MYADML2: variants seen among roughly 807,000 people sequenced by gnomAD.
MYADML2 encodes the protein myeloid associated differentiation marker like 2.
A neutral mutation model predicts 16.0 loss-of-function variants in MYADML2; 17 were observed. That is an observed-to-expected ratio of 1.06 (90% confidence interval 0.73 to 1.60). The LOEUF (loss-of-function observed/expected upper bound fraction) is 1.60, where lower values mean the gene tolerates loss of function less well. Ranked by LOEUF, MYADML2 falls within the 40% of genes most tolerant of loss-of-function variation. The pLI is 0.00. For missense variants in MYADML2, 422 were observed against 437.7 expected, an observed-to-expected ratio of 0.96 and a Z score of 0.32; for synonymous variants, 210 against 208.1, an observed-to-expected ratio of 1.01 and a Z score of -0.08.
chr17:81,942,641 C>T lies in MYADML2; in HGVS notation c.-180-268G>A, dbSNP rs2041315351. 6.6e-6 allele frequency among the ~76,000 whole-genome samples: 1 copy of T among 152,180 alleles called. No individual in the cohort carries two copies. The highest frequency in any genetic ancestry group is 1.5e-5 in the Non-Finnish European group (1 of 68,042). ...GGAGTGCAATGGCGCGATCTCGGCT[C>T]CCAGGTTCAAGCAATTATCCTGCCT... On this transcript the variant is annotated intron_variant, in intron 1 of 2. Coordinates refer to ENST00000409745, the MANE Select transcript of MYADML2 (RefSeq NM_001145113.3). This position sits in a 1 kb window ranked among gnomAD's most constrained non-coding sequence, Gnocchi z 4.4.
rs1395456769 is a variant in MYADML2, at chr17:81,942,872, G to T, written c.-180-499C>A. Among the ~76,000 whole-genome samples, 2 of 151,514 alleles carry T rather than the reference G, an allele frequency of 1.3e-5. No homozygotes were observed. The highest frequency in any genetic ancestry group is 4.2e-4 in the South Asian group (2 of 4,798). ...GGCCCCTCTTTTTTTTCGAGATAGG[G>T]TCTAGCTTTGTCGCTCAGGTTGGAA... On this transcript the variant is annotated intron_variant, in intron 1 of 2. Coordinates refer to ENST00000409745, the MANE Select transcript of MYADML2 (RefSeq NM_001145113.3). This position sits in a 1 kb window ranked among gnomAD's most constrained non-coding sequence, Gnocchi z 4.4.
At position 81,940,688 on chromosome 17, in the gene MYADML2, G is replaced by T; in HGVS notation, c.*130C>A. 9.8e-7 allele frequency: 1 copy of T among 1,018,930 alleles called. No homozygotes were observed. Among genetic ancestry groups the T allele is most frequent in the Non-Finnish European group, 1.4e-6 (1 of 714,634 alleles). 63.1% of individuals were successfully genotyped at this position (1,018,930 alleles called of 1,614,324 possible). Reference sequence around the variant, plus strand: ...AAGTCGGGGAGTGACCTCTCCCGTTGTACTTCATCTCCCCTGAGCCCGCGG... The same window carrying T: ...AAGTCGGGGAGTGACCTCTCCCGTTTTACTTCATCTCCCCTGAGCCCGCGG... On this transcript the variant is annotated 3_prime_UTR_variant, in exon 3 of 3. Transcript: ENST00000409745.
Position 81,941,001 on chromosome 17 carries a change from C to G in MYADML2, c.741G>C (p.Val247=). 6.4e-7 allele frequency: 1 copy of G among 1,550,586 alleles called. No individual in the cohort carries two copies. The highest frequency in any genetic ancestry group is 1.2e-5 in the South Asian group (1 of 84,064). ...LAVLLYLSAA[V]IWPVFCFDPK... ...GATCGAAACAGAAGACTGGCCAGAT[C>G]ACGGCGGCGCTGAGGTACAGGAGCA... Residue 247 remains valine, a synonymous_variant, in exon 3 of 3, where the codon GTG becomes GTC. Transcript: ENST00000409745.
chr17:81,945,518 A>G (rs1027573175), intron 1 of MYADML2, among the ~76,000 whole-genome samples: 34 of 151,740 alleles, frequency 2.2e-4, no homozygotes, highest in Admixed American at 1.3e-3. Flanking sequence ...CAGCCTGGGC[A>G]ACAGAGCAAG....
In MYADML2 at chr17:81,940,634, C is replaced by T; in HGVS notation, c.*184G>A. 6.1e-6 allele frequency: 4 copies of T among 659,298 alleles called. No individual in the cohort carries two copies. Among genetic ancestry groups the T allele is most frequent in the Non-Finnish European group, 1.0e-5 (4 of 394,468 alleles). The allele number at this position is 659,298 out of a possible 1,614,324, so 40.8% of individuals were successfully genotyped here. ...TGCTCAGGGCCTCTGCCCTACTGTC[C>T]TGCCCTTGTCCCTCTGAGCCCAGTC... On this transcript the variant is annotated 3_prime_UTR_variant, in exon 3 of 3. Coordinates refer to ENST00000409745, the MANE Select transcript of MYADML2 (RefSeq NM_001145113.3).
chr17:81,941,619 G>A lies in MYADML2; in HGVS notation c.123C>T (p.Ala41=), dbSNP rs4796854. ...GGACGCCCGCAAAGCCACCCCGGTGGGCCACCAGGCTGAAGGTAGTGCAGC... is the reference window on the plus strand; with the variant it reads ...GGACGCCCGCAAAGCCACCCCGGTGAGCCACCAGGCTGAAGGTAGTGCAGC... ...AFGCTTFSLV[A]HRGGFAGVQG... is the part of the protein sequence containing the mutation. The change falls in exon 3 of 3, where the codon GCC becomes GCT. Residue 41 remains alanine, a synonymous_variant. Coordinates refer to ENST00000409745, the MANE Select transcript of MYADML2 (RefSeq NM_001145113.3). 886,596 of 1,548,746 alleles carry A rather than the reference G, an allele frequency of 0.57. 258,709 individuals are homozygous for A. Among genetic ancestry groups the A allele is most frequent in the Non-Finnish European group, 0.6 (691,386 of 1,146,754 alleles).
At position 81,940,889 on chromosome 17, in the gene MYADML2, A is replaced by G; in HGVS notation, c.853T>C (p.Tyr285His). The G allele has an allele frequency of 1.3e-6, 2 of 1,546,958 alleles. No homozygotes were observed. The highest frequency in any genetic ancestry group is 2.7e-5 in the African/African-American group (2 of 73,076). Residue 285 changes from tyrosine to histidine, a missense_variant, in exon 3 of 3, where the codon TAC becomes CAC. By Grantham distance (83) the Tyr-to-His change is moderately conservative. Transcript: ENST00000409745. ...DSQLVVAIFTYVNLLLYVVDL... is the reference protein window; with the variant it reads ...DSQLVVAIFTHVNLLLYVVDL... ...ACGACGTACAGGAGCAGGTTGACGT[A>G]GGTGAAGATGGCCACCACCAGCTGG...
At position 81,940,742 on chromosome 17, in the gene MYADML2, T is replaced by G; in HGVS notation, c.*76A>C. ...CCCTCCTGCTCGCTACTTGACACTT[T>G]GGTTCACCTGAGTTTCCCTCGCAGA... On this transcript the variant is annotated 3_prime_UTR_variant, in exon 3 of 3. Transcript: ENST00000409745. The G allele has an allele frequency of 7.0e-6, 10 of 1,422,462 alleles. No individual in the cohort carries two copies. The highest frequency in any genetic ancestry group is 9.3e-6 in the Non-Finnish European group (10 of 1,070,810). The allele number at this position is 1,422,462 out of a possible 1,614,324, so 88.1% of individuals were successfully genotyped here. A position where few individuals can be genotyped will look rare whatever the true frequency, so the allele number is the denominator to read the frequency against.
intron 1 of MYADML2, among the ~76,000 whole-genome samples, chr17:81,945,374 C>T (rs986256078): frequency 2.0e-5 from 3 of 152,002 alleles, no homozygotes; most frequent in African/African-American, 7.2e-5. Context: ...CCCATCTCTA[C>T]TAAAAATACA....
rs1358279062 is a variant in MYADML2, at chr17:81,941,074, A to C, written c.668T>G (p.Leu223Arg). 1.9e-6 allele frequency: 3 copies of C among 1,550,396 alleles called. No homozygotes were observed. Among genetic ancestry groups the C allele is most frequent in the Non-Finnish European group, 2.6e-6 (3 of 1,146,986 alleles). ...ALSVMGHTGG[L>R]GCPFDRLVVV... is the part of the protein sequence containing the mutation. ...CACCAGCCGGTCAAAGGGGCAGCCC[A>C]GGCCCCCTGTGTGGCCCATCACACT... The change falls in exon 3 of 3, where the codon CTG (leucine) becomes CGG (arginine). Residue 223 changes from leucine (L) to arginine (R), a missense_variant. By Grantham distance (102) the Leu-to-Arg change is moderately radical. Coordinates refer to ENST00000409745, the MANE Select transcript of MYADML2 (RefSeq NM_001145113.3).
At position 81,941,677 on chromosome 17, in the gene MYADML2, A is replaced by G; in HGVS notation, c.65T>C (p.Val22Ala). 2 of 1,548,246 alleles carry G rather than the reference A, an allele frequency of 1.3e-6. No homozygotes were observed. Among genetic ancestry groups the G allele is most frequent in the Non-Finnish European group, 1.7e-6 (2 of 1,145,720 alleles). Reference sequence around the variant, plus strand: ...CAGCTGCAGCACGCGGGCTGTGCCCACAGGGGATGTCACGGCGCCCAGGTG... The same window carrying G: ...CAGCTGCAGCACGCGGGCTGTGCCCGCAGGGGATGTCACGGCGCCCAGGTG... ...YLHLGAVTSP[V>A]GTARVLQLAF... Residue 22 changes from valine (V) to alanine (A), a missense_variant, in exon 3 of 3, where the codon GTG becomes GCG. Transcript: ENST00000409745.
intron 1 of MYADML2, among the ~76,000 whole-genome samples, chr17:81,946,659 C>CA (rs888596511): frequency 9.9e-5 from 15 of 151,362 alleles, no homozygotes; most frequent in Non-Finnish European, 1.9e-4. Context: ...AAAGAAAATA[C>CA]AAAAAATAAA....
At chr17:81,943,538 G>A (rs2041321976) in intron 1 of MYADML2, among the ~76,000 whole-genome samples, 1 of 149,830 alleles carries the variant, frequency 6.7e-6, no homozygotes, top group South Asian at 2.1e-4. Flanking sequence ...TGAGTAGCTG[G>A]GACTACAGGT....
At position 81,944,351 on chromosome 17, in the gene MYADML2, G is replaced by A. The variant is rs139821034; in HGVS notation, c.-180-1978C>T. 1.8e-3 allele frequency among the ~76,000 whole-genome samples: 278 copies of A among 151,442 alleles called. 6 individuals carry two copies. In the East Asian group the frequency reaches 0.04, roughly 22 times the overall value. ...GAATGGCGTGAACCTGGGAGGCGGA[G>A]CTTGCAGTGAGCTGAGATCGCAACA... On this transcript the variant is annotated intron_variant, in intron 1 of 2. Transcript: ENST00000409745.
At chr17:81,946,461 ACG>A (rs2041347736) in intron 1 of MYADML2, among the ~76,000 whole-genome samples, 1 of 151,458 alleles carries the variant, frequency 6.6e-6, no homozygotes, top group African/African-American at 2.4e-5. Context: ...ATCCTGGCCA[ACG>A]TGGTGAAACC....
chr17:81,944,402 A>G (rs2041328654), intron 1 of MYADML2, among the ~76,000 whole-genome samples: 1 of 151,900 alleles, frequency 6.6e-6, no homozygotes, highest in Admixed American at 6.6e-5. Flanking sequence ...AAAAAAAAAA[A>G]GAAAGAAAAA....
At chr17:81,944,969 CATAA>C (rs1471871991) in intron 1 of MYADML2, among the ~76,000 whole-genome samples, 4 of 152,186 alleles carry the variant, frequency 2.6e-5, no homozygotes, top group African/African-American at 7.2e-5. Flanking sequence ...CATGGGGAAA[CATAA>C]ATAAAGTGTT....
At position 81,941,212 on chromosome 17, in the gene MYADML2, A is replaced by T; in HGVS notation, c.530T>A (p.Ile177Asn). 6.5e-7 allele frequency: 1 copy of T among 1,550,162 alleles called. No individual in the cohort carries two copies. Among genetic ancestry groups the T allele is most frequent in the South Asian group, 1.2e-5 (1 of 84,066 alleles). ...LKIVQAFVAC[I>N]IFGALVHDSR... ...GTCATGGACCAGCGCCCCGAAGATG[A>T]TGCAGGCCACGAAGGCCTGGACGAT... The change falls in exon 3 of 3, where the codon ATC (isoleucine) becomes AAC (asparagine). Residue 177 changes from isoleucine to asparagine, a missense_variant. Ile to Asn is a moderately radical substitution (Grantham distance 149). Transcript: ENST00000409745.
Position 81,941,247 on chromosome 17 carries a change from C to T in MYADML2, c.495G>A (p.Gly165=), listed in dbSNP as rs914880823. 2 of 1,550,148 alleles carry T rather than the reference C, an allele frequency of 1.3e-6. No individual in the cohort carries two copies. Among genetic ancestry groups the T allele is most frequent in the Middle Eastern group, 1.7e-4 (1 of 5,990 alleles). ...QVSSYMATVS[G]LLKIVQAFVA... ...CGAAGGCCTGGACGATCTTGAGGAG[C>T]CCCGACACCGTGGCCATATAGCTGC... is the stretch of plus-strand genomic sequence containing the variant. Residue 165 remains glycine, a synonymous_variant, in exon 3 of 3, where the codon GGG becomes GGA. Transcript: ENST00000409745.
Sources: gnomAD v4.1 joint callset for allele counts (sites outside exome capture counted in the v4.1 genomes callset) on GRCh38, gnomAD v4.1.1 for gene constraint, Gnocchi (gnomAD v3.1) non-coding constraint, MANE v1.5 for transcripts, NCBI Gene and HGNC (gene_info 2026-07-23, HGNC 2026-07-21) for gene names.